EBF2: variants seen among roughly 807,000 people sequenced by gnomAD.
The protein encoded by EBF2 is EBF transcription factor 2, also known as transcription factor COE2.
EBF2 carries 21 observed loss-of-function variants against 72.8 expected under a neutral mutation model. The ratio of observed to expected loss-of-function variants is 0.29; its 90% CI spans 0.20 to 0.42. The LOEUF (loss-of-function observed/expected upper bound fraction) is 0.42. Among genes scored for constraint, EBF2 ranks in the 10% least tolerant of loss-of-function variants. The pLI, the probability that EBF2 is intolerant of heterozygous loss-of-function variation, is 1.00. For missense variants in EBF2, 637 were observed against 731.2 expected (o/e 0.87, Z 1.49); for synonymous variants, 299 against 274.2 (o/e 1.09, Z -0.89).
chr8:25,914,240 G>C (rs776070578), intron 6 of EBF2, among the ~76,000 whole-genome samples: 4 of 152,190 alleles, frequency 2.6e-5, no homozygotes, highest in African/African-American at 9.7e-5. Flanking sequence ...CTTGAGACCA[G>C]AGAAAATCTT....
At chr8:25,862,673 A>G in intron 11 of EBF2, 36 bp downstream of exon 11, 3 of 1,518,412 alleles carry the variant, frequency 2.0e-6, no homozygotes, top group Non-Finnish European at 2.7e-6. Flanking sequence ...AATTCTACAC[A>G]AATGGCTTCA....
intron 7 of EBF2, among the ~76,000 whole-genome samples, chr8:25,899,311 A>G (rs190710475): frequency 9.9e-5 from 15 of 151,510 alleles, no homozygotes; most frequent in African/African-American, 3.2e-4. Flanking sequence ...TTGTTTTATC[A>G]TCAGATAATG....
intron 12 of EBF2, 25 bp downstream of exon 12, chr8:25,861,284 A>T (rs372703344): frequency 1.2e-6 from 2 of 1,614,112 alleles, no homozygotes; most frequent in South Asian, 1.1e-5. Context: ...AAAACTCAAT[A>T]AAGGATAGGA....
At chr8:25,991,945 T>C (rs548609380) in intron 6 of EBF2, among the ~76,000 whole-genome samples, 1 of 152,160 alleles carries the variant, frequency 6.6e-6, no homozygotes, top group African/African-American at 2.4e-5. Flanking sequence ...GCTAAGCAAA[T>C]TGTGGCAGAG....
chr8:26,031,796 G>A (rs1475297356), intron 6 of EBF2: 3 of 152,138 alleles, frequency 2.0e-5, no homozygotes, highest in East Asian at 1.9e-4. Flanking sequence ...ACAACCACGG[G>A]CAAGTCATGC....
chr8:26,015,122 G>T (rs1234372218), intron 6 of EBF2, among the ~76,000 whole-genome samples: 1 of 152,134 alleles, frequency 6.6e-6, no homozygotes, highest in East Asian at 1.9e-4. Flanking sequence ...TTGGCCATGT[G>T]ACTTCTTAAG....
At chr8:25,950,346 T>C (rs565156584) in intron 6 of EBF2, among the ~76,000 whole-genome samples, 1 of 152,350 alleles carries the variant, frequency 6.6e-6, no homozygotes, top group East Asian at 1.9e-4. Flanking sequence ...GTAATGGAAA[T>C]GTACAATGAA....
chr8:26,034,471 A>G (rs1253705594), intron 5 of EBF2, among the ~76,000 whole-genome samples: 4 of 152,180 alleles, frequency 2.6e-5, no homozygotes, highest in Non-Finnish European at 5.9e-5. Flanking sequence ...ATTACAACAA[A>G]CAGAAAGTAC....
intron 6 of EBF2, among the ~76,000 whole-genome samples, chr8:25,995,393 A>C (rs1279518161): frequency 2.6e-5 from 4 of 152,248 alleles, no homozygotes; most frequent in Non-Finnish European, 5.9e-5. Context: ...CAAAAATACA[A>C]CAGATGAAAG....
In EBF2 at chr8:25,908,486, C is replaced by T. The variant is rs1377294867; in HGVS notation, c.621G>A (p.Met207Ile). ...CLKTAGNPRDMRRFQVVLSTT... is the reference protein window; with the variant it reads ...CLKTAGNPRDIRRFQVVLSTT... ...CAGGGCCCCTTACCTGAAACCGTCT[C>T]ATGTCCCTTGGGTTTCCTGCTGTTT... The change falls in exon 7 of 16, where the codon ATG becomes ATA. Residue 207 changes from methionine (M) to isoleucine (I), a missense_variant. By Grantham distance (10) the Met-to-Ile change is conservative (BLOSUM62 1). Around this residue, in one of 3 missense-constraint regions of EBF2, gnomAD observed 204 missense variants for 301.2 expected, o/e 0.68. Transcript: ENST00000520164. 1.2e-6 allele frequency: 2 copies of T among 1,613,368 alleles called. No individual in the cohort carries two copies. Among genetic ancestry groups the T allele is most frequent in the Non-Finnish European group, 1.7e-6 (2 of 1,179,370 alleles).
chr8:25,880,688 AT>A (rs1802592228), intron 10 of EBF2, among the ~76,000 whole-genome samples: 1 of 152,066 alleles, frequency 6.6e-6, no homozygotes, highest in African/African-American at 2.4e-5. Flanking sequence ...AGGGCCTCTC[AT>A]TTTTCAAAAT....
chr8:25,865,163 T>A (rs953621822), intron 10 of EBF2, among the ~76,000 whole-genome samples: 6 of 152,074 alleles, frequency 3.9e-5, no homozygotes, highest in Non-Finnish European at 7.4e-5. Flanking sequence ...TCAAAAAAAA[T>A]TTCAGTTGCA....
chr8:25,896,107 C>G (rs1399688459), intron 7 of EBF2, among the ~76,000 whole-genome samples: 1 of 152,136 alleles, frequency 6.6e-6, no homozygotes, highest in Admixed American at 6.5e-5. Context: ...TACAAAGAGG[C>G]TGAAAGAAAA....
chr8:26,004,043 G>C (rs1183417405), intron 6 of EBF2, among the ~76,000 whole-genome samples: 1 of 151,508 alleles, frequency 6.6e-6, no homozygotes, highest in Non-Finnish European at 1.5e-5. Context: ...TCACTTCTAG[G>C]TGTCGTTTAA....
At chr8:25,908,028 C>T (rs968608679) in intron 7 of EBF2, among the ~76,000 whole-genome samples, 1 of 152,240 alleles carries the variant, frequency 6.6e-6, no homozygotes, top group Non-Finnish European at 1.5e-5. Context: ...AGTGACCACG[C>T]TGCTTGGGCT....
chr8:25,932,534 G>A (rs993433363), intron 6 of EBF2, among the ~76,000 whole-genome samples: 21 of 152,052 alleles, frequency 1.4e-4, no homozygotes, highest in African/African-American at 5.1e-4. Flanking sequence ...TTACCACTAC[G>A]GCAGAAGCCT....
At chr8:26,042,435 G>A (rs553554723) in intron 1 of EBF2, among the ~76,000 whole-genome samples, 184 bp from the exon 2 acceptor site, 1 of 152,270 alleles carries the variant, frequency 6.6e-6, no homozygotes, top group Admixed American at 6.5e-5. Context: ...AGTCACCGTG[G>A]CCACGGGGGT....
chr8:25,986,929 C>T (rs903811866), intron 6 of EBF2, among the ~76,000 whole-genome samples: 2 of 152,200 alleles, frequency 1.3e-5, no homozygotes, highest in Non-Finnish European at 2.9e-5. Context: ...ATGGGGAGCC[C>T]AGGCCTCCAC....
At chr8:25,881,221 C>G (rs1360794149) in intron 10 of EBF2, among the ~76,000 whole-genome samples, 1 of 152,166 alleles carries the variant, frequency 6.6e-6, no homozygotes, top group South Asian at 2.1e-4. Context: ...CTTCCCATGG[C>G]GCTTGAGGAA....
Sources: gnomAD v4.1 joint callset for allele counts (sites outside exome capture counted in the v4.1 genomes callset) on GRCh38, gnomAD v4.1.1 for gene constraint, gnomAD v4.1.1 regional missense constraint, MANE v1.5 for transcripts, NCBI Gene and HGNC (gene_info 2026-07-23, HGNC 2026-07-21) for gene names.